The following STK39 variants were observed in gnomAD, a reference collection of about 807,000 sequenced individuals.
STK39 encodes serine/threonine kinase 39.
STK39 carries 20 observed loss-of-function variants against 77.8 expected under a neutral mutation model. That is an observed-to-expected ratio of 0.26 (90% CI 0.18 to 0.37). The LOEUF (loss-of-function observed/expected upper bound fraction) is 0.37. Among genes scored for constraint, STK39 ranks in the 10% least tolerant of loss-of-function variants. The probability of loss-of-function intolerance (pLI) is 1.00; values close to 1 mark genes in which losing one functional copy is unlikely to be tolerated. For missense variants in STK39, 479 were observed against 656.5 expected, an observed-to-expected ratio of 0.73 and a Z score of 2.95; for synonymous variants, 246 against 234.1, an observed-to-expected ratio of 1.05 and a Z score of -0.47.
At chr2:168,106,559 C>T (rs1686979105) in intron 10 of STK39, among the ~76,000 whole-genome samples, 1 of 152,082 alleles carries the variant, frequency 6.6e-6, no homozygotes, top group South Asian at 2.1e-4. Context: ...TGGCTCATTA[C>T]CTATAATCCC....
rs1378801487 is a variant in STK39, at chr2:168,247,250, C to T, written c.186G>A (p.Ala62=). Reference sequence around the variant, plus strand: ...GACCGATAACCTCCTGCAGCTCGTACGCGTCCCTGCAGATGGGCCAGCCGA... The same window carrying T: ...GACCGATAACCTCCTGCAGCTCGTATGCGTCCCTGCAGATGGGCCAGCCGA... ...QAVGWPICRD[A]YELQEVIGSG... is the part of the protein sequence containing the mutation. The change falls in exon 1 of 18, where the codon GCG becomes GCA. Residue 62 remains alanine (A), a synonymous_variant. Coordinates refer to ENST00000355999, the MANE Select transcript of STK39 (RefSeq NM_013233.3). 15 of 1,141,194 alleles carry T rather than the reference C, an allele frequency of 1.3e-5. 1 individual carries two copies. The Admixed American group carries it at 6.2e-4, about 47-fold the overall frequency. The allele number at this position is 1,141,194 out of a possible 1,614,324, so 70.7% of individuals were successfully genotyped here.
At chr2:168,136,051 C>T (rs949663240) in intron 8 of STK39, among the ~76,000 whole-genome samples, 12 of 150,484 alleles carry the variant, frequency 8.0e-5, no homozygotes, top group African/African-American at 1.2e-4. Flanking sequence ...GAATAAAATC[C>T]GGAAAGACTT....
Position 168,118,913 on chromosome 2 carries a change from G to C in STK39, c.1089+10628C>G, listed in dbSNP as rs148501841. Among the ~76,000 whole-genome samples, 1,036 of 152,220 alleles carry C rather than the reference G, an allele frequency of 6.8e-3. 13 individuals are homozygous for C. The highest frequency in any genetic ancestry group is 0.023 in the African/African-American group (963 of 41,542). ...AGTTCTCAAATAACTAAAAAGCAAAGAATTTAAAATAAAAAAGCAGTGAAA... is the reference window on the plus strand; with the variant it reads ...AGTTCTCAAATAACTAAAAAGCAAACAATTTAAAATAAAAAAGCAGTGAAA... On this transcript the variant is annotated intron_variant, in intron 10 of 17. Transcript: ENST00000355999.
intron 14 of STK39, among the ~76,000 whole-genome samples, chr2:168,019,936 C>T (rs1684529339): frequency 6.6e-6 from 1 of 152,078 alleles, no homozygotes; most frequent in Non-Finnish European, 1.5e-5. Flanking sequence ...AACTCCTGAC[C>T]TCAAGTGATC....
intron 2 of STK39, among the ~76,000 whole-genome samples, chr2:168,173,652 G>A (rs868195190): frequency 2.0e-5 from 3 of 152,034 alleles, no homozygotes; most frequent in African/African-American, 7.2e-5. Context: ...CTGCCTCCTG[G>A]GTTCAAGCGA....
At chr2:167,984,260 A>C (rs1040765400) in intron 16 of STK39, among the ~76,000 whole-genome samples, 1 of 152,240 alleles carries the variant, frequency 6.6e-6, no homozygotes, top group African/African-American at 2.4e-5. Context: ...AAATGATTAC[A>C]ACATATTCTC....
intron 10 of STK39, among the ~76,000 whole-genome samples, chr2:168,080,910 T>A (rs1276371551): frequency 6.6e-6 from 1 of 152,232 alleles, no homozygotes; most frequent in Non-Finnish European, 1.5e-5. Context: ...GCTTGGCAGC[T>A]TCCACATGAT....
At chr2:168,226,370 T>C (rs1690306385) in intron 1 of STK39, among the ~76,000 whole-genome samples, 1 of 152,170 alleles carries the variant, frequency 6.6e-6, no homozygotes, top group Non-Finnish European at 1.5e-5. Flanking sequence ...CATCTACCTT[T>C]ATAAAGAATG....
intron 14 of STK39, among the ~76,000 whole-genome samples, chr2:168,022,059 C>A (rs1238838870): frequency 6.6e-6 from 1 of 152,108 alleles, no homozygotes; most frequent in East Asian, 1.9e-4. Flanking sequence ...ATAATACCAT[C>A]TTGGAATTTC....
At chr2:168,031,456 C>G (rs981287719) in intron 14 of STK39, among the ~76,000 whole-genome samples, 19 of 152,132 alleles carry the variant, frequency 1.2e-4, no homozygotes, top group African/African-American at 4.6e-4. Context: ...CCACATGAAG[C>G]CTTTTCCCTT....
intron 14 of STK39, among the ~76,000 whole-genome samples, chr2:168,019,491 A>G (rs1684517489): frequency 6.6e-6 from 1 of 152,142 alleles, no homozygotes. Flanking sequence ...GTGGTTTTGA[A>G]ACGTACCCTT....
chr2:168,041,356 T>A (rs984133839), intron 14 of STK39, among the ~76,000 whole-genome samples: 1 of 151,902 alleles, frequency 6.6e-6, no homozygotes, highest in Non-Finnish European at 1.5e-5. Context: ...AAGGAAGCCA[T>A]TGATCACACC....
intron 2 of STK39, among the ~76,000 whole-genome samples, chr2:168,168,298 T>C (rs1688737901): frequency 6.6e-6 from 1 of 152,202 alleles, no homozygotes; most frequent in Non-Finnish European, 1.5e-5. Flanking sequence ...TTCAGTTTCA[T>C]ATTGATTTCA....
chr2:168,115,577 T>C (rs543466288), intron 10 of STK39, among the ~76,000 whole-genome samples: 1 of 152,330 alleles, frequency 6.6e-6, no homozygotes, highest in African/African-American at 2.4e-5. Context: ...AAAAAATTGA[T>C]TCTTAATTAT....
In STK39 at chr2:168,147,137, G is replaced by A. The variant is rs1165971320; in HGVS notation, c.629-6379C>T. On this transcript the variant is annotated intron_variant, in intron 5 of 17. Transcript: ENST00000355999. Reference sequence around the variant, plus strand: ...CTTCTCTGAGTAAAGATCAAGTTGTGATTACCCAACACAGAAAAACTGGTT... The same window carrying A: ...CTTCTCTGAGTAAAGATCAAGTTGTAATTACCCAACACAGAAAAACTGGTT... Among the ~76,000 whole-genome samples, 5 of 152,300 alleles carry A rather than the reference G, an allele frequency of 3.3e-5. No homozygotes were observed. In the East Asian group the frequency reaches 7.7e-4, roughly 24 times the overall value.
intron 10 of STK39, among the ~76,000 whole-genome samples, chr2:168,092,631 T>C (rs1574458807): frequency 2.6e-5 from 4 of 152,332 alleles, no homozygotes; most frequent in East Asian, 3.9e-4. Context: ...AGAACAGGTA[T>C]TGAGAAAAAC....
intron 1 of STK39, among the ~76,000 whole-genome samples, chr2:168,222,086 C>A (rs1690186970): frequency 1.3e-5 from 2 of 152,144 alleles, no homozygotes; most frequent in African/African-American, 4.8e-5. Flanking sequence ...TTTTTTCCTT[C>A]TTTTAAATAT....
chr2:168,239,869 G>A (rs1690715485), intron 1 of STK39, among the ~76,000 whole-genome samples: 2 of 152,212 alleles, frequency 1.3e-5, no homozygotes, highest in Non-Finnish European at 2.9e-5. Flanking sequence ...AGGGGGGAGG[G>A]GGGCTCTAGA....
At chr2:168,158,206 T>G (rs1688483987) in intron 5 of STK39, among the ~76,000 whole-genome samples, 1 of 152,156 alleles carries the variant, frequency 6.6e-6, no homozygotes, top group African/African-American at 2.4e-5. Flanking sequence ...TCCAAGTTGA[T>G]TATCAGGAAG....
Sources: allele counts gnomAD v4.1 joint callset (sites outside exome capture counted in the v4.1 genomes callset), GRCh38; gene constraint gnomAD v4.1.1; transcripts MANE v1.5; gene names NCBI Gene and HGNC (gene_info 2026-07-23, HGNC 2026-07-21).